The following CDKAL1 variants were observed in gnomAD, a reference collection of about 807,000 sequenced individuals.
The protein encoded by CDKAL1 is CDKAL1 threonylcarbamoyladenosine tRNA methylthiotransferase.
In CDKAL1, 32 loss-of-function variants were observed where a neutral mutation model predicts 68.2. That is an observed-to-expected ratio of 0.47 (90% CI 0.35 to 0.63). The LOEUF is 0.63. Ranked by LOEUF, CDKAL1 falls within the 30% of genes least tolerant of loss-of-function variation. The probability of loss-of-function intolerance (pLI) is 0.00; values close to 1 mark genes in which losing one functional copy is unlikely to be tolerated. For synonymous variants in CDKAL1, 234 were observed against 244.3 expected, an observed-to-expected ratio of 0.96 and a Z score of 0.39; for missense variants, 606 against 696.7, an observed-to-expected ratio of 0.87 and a Z score of 1.47.
chr6:21,030,984 A>C (rs1191976786), intron 11 of CDKAL1, among the ~76,000 whole-genome samples: 1 of 152,124 alleles, frequency 6.6e-6, no homozygotes, highest in African/African-American at 2.4e-5. Flanking sequence ...CCACCAATGT[A>C]GCAGCTTAAA....
At chr6:20,584,849 T>C (rs998773695) in intron 4 of CDKAL1, among the ~76,000 whole-genome samples, 1 of 152,182 alleles carries the variant, frequency 6.6e-6, no homozygotes, top group Non-Finnish European at 1.5e-5. Context: ...ATTTATTTCA[T>C]GTAGACTCTG....
chr6:20,814,234 T>C (rs1776946024), intron 8 of CDKAL1, among the ~76,000 whole-genome samples: 1 of 152,064 alleles, frequency 6.6e-6, no homozygotes, highest in African/African-American at 2.4e-5. Context: ...GTTACTATTA[T>C]ATAAAAATAA....
chr6:20,747,333 T>C (rs1389687181), intron 6 of CDKAL1, among the ~76,000 whole-genome samples: 2 of 152,246 alleles, frequency 1.3e-5, no homozygotes, highest in Non-Finnish European at 2.9e-5. Flanking sequence ...GAGTGCTGAT[T>C]TCATTTCCTT....
intron 12 of CDKAL1, among the ~76,000 whole-genome samples, chr6:21,104,438 C>T (rs753658631): frequency 2.0e-5 from 3 of 151,628 alleles, no homozygotes; most frequent in Admixed American, 2.0e-4. Flanking sequence ...GTTTCTAGAT[C>T]GGGGTGGTTA....
chr6:20,734,355 G>A (rs936559985), intron 5 of CDKAL1, among the ~76,000 whole-genome samples: 91 of 151,918 alleles, frequency 6.0e-4, no homozygotes, highest in African/African-American at 1.2e-3. Context: ...TTTTATATTA[G>A]CATTTCAAGG....
intron 5 of CDKAL1, among the ~76,000 whole-genome samples, chr6:20,656,201 A>T (rs914545045): frequency 6.6e-6 from 1 of 152,220 alleles, no homozygotes; most frequent in Admixed American, 6.5e-5. Context: ...CTAGATAAAG[A>T]TGTCAAGTAA....
intron 12 of CDKAL1, among the ~76,000 whole-genome samples, chr6:21,089,178 A>C (rs1011042517): frequency 6.6e-6 from 1 of 152,048 alleles, no homozygotes; most frequent in Non-Finnish European, 1.5e-5. Context: ...ACCATGCCTT[A>C]AAAAATTTAC....
intron 8 of CDKAL1, among the ~76,000 whole-genome samples, chr6:20,799,350 C>A (rs1338876695): frequency 6.6e-6 from 1 of 151,968 alleles, no homozygotes; most frequent in Non-Finnish European, 1.5e-5. Context: ...CCGTGCCCGG[C>A]CTAGAACTGA....
At chr6:20,775,917 C>T (rs111688745) in intron 7 of CDKAL1, among the ~76,000 whole-genome samples, 12 of 148,774 alleles carry the variant, frequency 8.1e-5, no homozygotes, top group African/African-American at 1.2e-4. Context: ...GTTGAAATTC[C>T]CTCCTTTCAT....
At chr6:20,826,307 T>G (rs761214781) in intron 8 of CDKAL1, among the ~76,000 whole-genome samples, 2 of 152,196 alleles carry the variant, frequency 1.3e-5, no homozygotes, top group African/African-American at 4.8e-5. Flanking sequence ...CCTCCCTAAA[T>G]ATAGTATTTC....
At chr6:20,767,338 G>A (rs758034369) in intron 7 of CDKAL1, among the ~76,000 whole-genome samples, 2 of 152,038 alleles carry the variant, frequency 1.3e-5, no homozygotes, top group Non-Finnish European at 2.9e-5. Context: ...TATTGTATTG[G>A]TAATTCTTCT....
intron 10 of CDKAL1, among the ~76,000 whole-genome samples, chr6:20,959,185 G>A (rs1181599434): frequency 6.6e-6 from 1 of 152,190 alleles, no homozygotes; most frequent in Non-Finnish European, 1.5e-5. Flanking sequence ...CAGACAAGTA[G>A]TGAAGTGTGT....
chr6:20,834,014 C>T (rs962240210), intron 8 of CDKAL1, among the ~76,000 whole-genome samples: 3 of 152,198 alleles, frequency 2.0e-5, no homozygotes, highest in African/African-American at 7.2e-5. Flanking sequence ...TTGATAAGAA[C>T]TCCCAGAGCA....
At chr6:20,651,474 T>C (rs1768768712) in intron 5 of CDKAL1, among the ~76,000 whole-genome samples, 1 of 152,222 alleles carries the variant, frequency 6.6e-6, no homozygotes, top group Non-Finnish European at 1.5e-5. Context: ...TGGGGTTTTC[T>C]AGGAATAGGA....
intron 4 of CDKAL1, among the ~76,000 whole-genome samples, chr6:20,600,749 G>A (rs1178889268): frequency 1.1e-5 from 1 of 89,598 alleles, no homozygotes; most frequent in East Asian, 4.3e-4. Flanking sequence ...AACCTGGATG[G>A]AGAGAGAGAT....
intron 10 of CDKAL1, among the ~76,000 whole-genome samples, chr6:20,974,690 A>G (rs1287615898): frequency 6.6e-6 from 1 of 151,838 alleles, no homozygotes; most frequent in Non-Finnish European, 1.5e-5. Context: ...TAGAAATAAA[A>G]TATTTGGGCC....
At chr6:20,573,201 C>A (rs184814119) in intron 4 of CDKAL1, among the ~76,000 whole-genome samples, 9 of 152,110 alleles carry the variant, frequency 5.9e-5, no homozygotes, top group South Asian at 4.2e-4. Context: ...TTGGAAATTT[C>A]CATTGTGGAT....
At chr6:20,801,989 G>T (rs1171254063) in intron 8 of CDKAL1, among the ~76,000 whole-genome samples, 1 of 152,070 alleles carries the variant, frequency 6.6e-6, no homozygotes, top group Non-Finnish European at 1.5e-5. Flanking sequence ...AATATTTGCT[G>T]TTAACCTTTA....
chr6:21,208,668 G>A lies in CDKAL1; in HGVS notation c.1548+7394G>A, dbSNP rs77496777. ...AATTCTTCATCGCTGCTAAGTTCACGTCACAAACAATTAAAACCATAGTAC... is the reference window on the plus strand; with the variant it reads ...AATTCTTCATCGCTGCTAAGTTCACATCACAAACAATTAAAACCATAGTAC... On this transcript the variant is annotated intron_variant, in intron 15 of 15. Transcript: ENST00000274695. 8.0e-3 allele frequency among the ~76,000 whole-genome samples: 1,221 copies of A among 151,822 alleles called. 9 individuals are homozygous for A. Among genetic ancestry groups the A allele is most frequent in the Non-Finnish European group, 0.014 (925 of 67,980 alleles).
Sources: allele counts gnomAD v4.1 joint callset (sites outside exome capture counted in the v4.1 genomes callset), GRCh38; gene constraint gnomAD v4.1.1; transcripts MANE v1.5; gene names NCBI Gene and HGNC (gene_info 2026-07-23, HGNC 2026-07-21).